Variants in NBPF12 observed in about 807,000 individuals in gnomAD.
The protein encoded by NBPF12 is NBPF family member NBPF12.
A neutral mutation model predicts 146.4 loss-of-function variants in NBPF12; 115 were observed. The observed-to-expected ratio is 0.79, with a 90% CI of 0.68 to 0.92. NBPF12 has a LOEUF of 0.92. Among genes scored for constraint, NBPF12 ranks in the 40% least tolerant of loss-of-function variants. The probability of loss-of-function intolerance (pLI) is 0.00; values close to 1 mark genes in which losing one functional copy is unlikely to be tolerated. For missense variants in NBPF12, 1,205 were observed against 1,326.8 expected (o/e 0.91, Z 1.43); for synonymous variants, 385 against 508.9 (o/e 0.76, Z 3.28).
chr1:146,972,040 A>G (rs1656667175), intron 13 of NBPF12, among the ~76,000 whole-genome samples: 1 of 146,744 alleles, frequency 6.8e-6, no homozygotes, highest in Non-Finnish European at 1.5e-5. Flanking sequence ...GTGAGCCGAG[A>G]TTGTGCCACT....
intron 2 of NBPF12, 113 bp from the exon 6 acceptor site, chr1:146,959,746 C>A (rs1377957086): frequency 1.6e-5 from 1 of 62,724 alleles, no homozygotes; most frequent in Admixed American, 2.4e-4. Context: ...TTGGTGGTGA[C>A]CCTCAGGTGA....
At chr1:146,947,772 G>A (rs1305481430), upstream of NBPF12, among the ~76,000 whole-genome samples, 135 of 150,786 alleles carry the variant, frequency 9.0e-4, 1 homozygote, top group African/African-American at 3.2e-3. Flanking sequence ...TATTGTGTTC[G>A]TTTTGTGACA....
At chr1:146,946,923 T>G (rs1410922663), upstream of NBPF12, among the ~76,000 whole-genome samples, 1 of 152,030 alleles carries the variant, frequency 6.6e-6, no homozygotes, top group African/African-American at 2.4e-5. Context: ...GCACCACTAG[T>G]TGGAAAGGCT....
At chr1:146,946,074 A>G (rs1655049831), upstream of NBPF12, among the ~76,000 whole-genome samples, 1 of 151,980 alleles carries the variant, frequency 6.6e-6, no homozygotes, top group South Asian at 2.1e-4. Context: ...TCTTTCTAGC[A>G]TTATGTACTT....
At chr1:146,961,805 C>G (rs1470474418) in intron 4 of NBPF12, among the ~76,000 whole-genome samples, 2 of 151,970 alleles carry the variant, frequency 1.3e-5, no homozygotes, top group Non-Finnish European at 2.9e-5. Context: ...GAAATCACTA[C>G]TTCATGCCCC....
exon 34 of NBPF12, chr1:146,994,659 T>C: frequency 1.3e-6 from 2 of 1,572,076 alleles, no homozygotes; most frequent in Non-Finnish European, 1.7e-6. Flanking sequence ...TATAGTTCCA[T>C]TTGGAAGCCC....
upstream of NBPF12, among the ~76,000 whole-genome samples, chr1:146,946,392 G>T (rs1325309565): frequency 2.7e-5 from 4 of 150,884 alleles, no homozygotes; most frequent in Non-Finnish European, 4.4e-5. Flanking sequence ...ATTCTGATAG[G>T]TTTACGGTGA....
chr1:146,984,668 C>T (rs1338238771), intron 21 of NBPF12, 145 bp from the exon 25 acceptor site: 6 of 669,402 alleles, frequency 9.0e-6, no homozygotes, highest in African/African-American at 2.0e-5. Context: ...TCTATCACAA[C>T]ATAAAGGCAA....
chr1:146,964,515 G>A (rs1225706541), intron 7 of NBPF12, 86 bp downstream of exon 10: 8 of 1,585,232 alleles, frequency 5.0e-6, no homozygotes, highest in East Asian at 2.2e-5. Flanking sequence ...TCTATGGTGG[G>A]CCAAAAGCCC....
chr1:146,989,400 G>C (rs1488006211), intron 27 of NBPF12, among the ~76,000 whole-genome samples, 174 bp from the exon 31 acceptor site: 8 of 150,702 alleles, frequency 5.3e-5, no homozygotes, highest in Non-Finnish European at 8.9e-5. Context: ...CTCTTTCATT[G>C]TTTTCTACCT....
At chr1:146,939,050 G>A (rs1654658427) in intron 1 of NBPF12, 38 bp downstream of exon 1, 6 of 152,230 alleles carry the variant, frequency 3.9e-5, no homozygotes. Flanking sequence ...CTGGGCTGAG[G>A]CGCGGCGCGC....
intron 4 of NBPF12, among the ~76,000 whole-genome samples, chr1:146,961,038 C>T (rs1304150842): frequency 2.6e-5 from 4 of 151,882 alleles, no homozygotes; most frequent in Non-Finnish European, 4.4e-5. Context: ...CACCACTAAT[C>T]GGGTGGCTGA....
At chr1:146,971,815 C>T (rs1553886505) in intron 13 of NBPF12, among the ~76,000 whole-genome samples, 21,644 of 149,906 alleles carry the variant, frequency 0.14, 2,150 homozygotes, top group Admixed American at 0.27. Context: ...CGCGGTGGCT[C>T]ACACATGTAA....
chr1:146,948,326 AAG>A (rs1655162167), upstream of NBPF12, among the ~76,000 whole-genome samples: 7 of 151,876 alleles, frequency 4.6e-5, no homozygotes, highest in South Asian at 1.0e-3. Flanking sequence ...GGGGAAAAGA[AAG>A]AGAGATCAGA....
At chr1:146,984,209 GT>G in intron 21 of NBPF12, 24 bp downstream of exon 24, 2 of 772,812 alleles carry the variant, frequency 2.6e-6, no homozygotes, top group Non-Finnish European at 4.6e-6. Flanking sequence ...ATTGTGGACA[GT>G]TAATTTGATG....
rs1159081288 is a variant in NBPF12 at position 146,964,780 on chromosome 1, T to C, written c.567-113T>C. 7.7e-6 allele frequency: 12 copies of C among 1,555,094 alleles called. No individual in the cohort carries two copies. The East Asian group carries it at 2.5e-4, about 32-fold the overall frequency. On this transcript the variant is annotated intron_variant, in intron 7 of 33. Transcript: ENST00000617844. ...TCCCTCTTTAAGGGAACCTCCATTT[T>C]GCTTTCTGGGACCACTCTCTTAATG... is the stretch of plus-strand genomic sequence containing the variant.
chr1:146,995,492 A>G (rs1553890420), exon 34 of NBPF12: 1 of 149,954 alleles, frequency 6.7e-6, no homozygotes, highest in South Asian at 2.1e-4. Flanking sequence ...ATGTAGCTGC[A>G]TTTCTTTAGT....
chr1:146,994,717 C>T lies in NBPF12; in HGVS notation c.*142C>T, dbSNP rs587737054. ...CATGGCTCTATTCCTATTCTCAGAG[C>T]ATGCCAGTGGCAACCTGTGCTCAGT... On this transcript the variant is annotated 3_prime_UTR_variant, in exon 34 of 34. Coordinates refer to ENST00000617844, the Ensembl canonical transcript of NBPF12. 18 of 1,400,968 alleles carry T rather than the reference C, an allele frequency of 1.3e-5. No homozygotes were observed. In the East Asian group the frequency reaches 3.3e-4, roughly 26 times the overall value. 86.8% of individuals were successfully genotyped at this position (1,400,968 alleles called of 1,614,324 possible). A position where few individuals can be genotyped will look rare whatever the true frequency, so the allele number is the denominator to read the frequency against.
At chr1:146,966,168 C>G (rs1408410393) in intron 8 of NBPF12, among the ~76,000 whole-genome samples, 1 of 151,950 alleles carries the variant, frequency 6.6e-6, no homozygotes, top group African/African-American at 2.4e-5. Context: ...ATCTTTTGTG[C>G]TACACAGAAA....
Sources: allele counts gnomAD v4.1 joint callset (sites outside exome capture counted in the v4.1 genomes callset), GRCh38; gene constraint gnomAD v4.1.1; transcripts MANE v1.5; gene names NCBI Gene and HGNC (gene_info 2026-07-23, HGNC 2026-07-21).